SIN3B: variants seen among roughly 807,000 people sequenced by gnomAD.
SIN3B encodes the protein SIN3 transcription regulator family member B.
In SIN3B, 19 loss-of-function variants were observed where a neutral mutation model predicts 120.2. That is an observed-to-expected ratio of 0.16 (90% CI 0.11 to 0.23). The LOEUF (loss-of-function observed/expected upper bound fraction) is 0.23, where lower values mean the gene tolerates loss of function less well. SIN3B is among the 10% of genes least tolerant of loss of function. SIN3B has a pLI of 1.00. For missense variants in SIN3B, 1,073 were observed against 1,573.0 expected (o/e 0.68, Z 5.38); for synonymous variants, 654 against 653.2 (o/e 1.00, Z -0.02).
Position 16,851,439 on chromosome 19 carries a change from C to A in SIN3B, c.754C>A (p.His252Asn). The A allele has an allele frequency of 6.2e-7, 1 of 1,607,378 alleles. No individual in the cohort carries two copies. The highest frequency in any genetic ancestry group is 2.3e-5 in the East Asian group (1 of 44,338). ...CACAGGAAACGGGCCGTGCGAGATG[C>A]ACAGCGTGCAGAAGAACGAGCACGA... ...LFTGNGPCEMHSVQKNEHDKT... is the reference protein window; with the variant it reads ...LFTGNGPCEMNSVQKNEHDKT... The change falls in exon 6 of 19, where the codon CAC (histidine) becomes AAC (asparagine). Residue 252 changes from histidine to asparagine, a missense_variant. Transcript: ENST00000248054.
At chr19:16,851,558 A>C (rs1433815013) in intron 6 of SIN3B, 24 bp downstream of exon 6, 1 of 1,565,780 alleles carries the variant, frequency 6.4e-7, no homozygotes, top group Non-Finnish European at 8.7e-7. Flanking sequence ...ACATGCAGCC[A>C]TGCCTGCACG....
intron 4 of SIN3B, among the ~76,000 whole-genome samples, chr19:16,842,239 AAC>A (rs1389523008): frequency 6.7e-6 from 1 of 149,734 alleles, no homozygotes; most frequent in Non-Finnish European, 1.5e-5. Context: ...TTGGGGCTAG[AAC>A]ATGGGCGCAC....
At chr19:16,873,359 G>T (rs760386846) in intron 14 of SIN3B, among the ~76,000 whole-genome samples, 1 of 152,058 alleles carries the variant, frequency 6.6e-6, no homozygotes, top group Non-Finnish European at 1.5e-5. Flanking sequence ...CTTTCCCTCC[G>T]TGTGCCCGAA....
chr19:16,839,571 A>G (rs1227768525), intron 3 of SIN3B, among the ~76,000 whole-genome samples: 1 of 152,028 alleles, frequency 6.6e-6, no homozygotes, highest in East Asian at 1.9e-4. Flanking sequence ...TGCCTCTGAA[A>G]CAGACCTTGG....
chr19:16,829,520 C>T lies in SIN3B; in HGVS notation c.100C>T (p.His34Tyr). The T allele has an allele frequency of 8.1e-7, 1 of 1,227,580 alleles. No individual in the cohort carries two copies. Among genetic ancestry groups the T allele is most frequent in the Non-Finnish European group, 1.0e-6 (1 of 984,734 alleles). The allele number at this position is 1,227,580 out of a possible 1,614,324, so 76.0% of individuals were successfully genotyped here. A position where few individuals can be genotyped will look rare whatever the true frequency, so the allele number is the denominator to read the frequency against. ...CTGGGGTCGCTCGGGCTCCGCAGGC[C>T]ACGAGAAGCTGCCGGTGCACGTGAG... ...ARWGRSGSAG[H>Y]EKLPVHVEDA... Residue 34 changes from histidine to tyrosine, a missense_variant, in exon 1 of 19, where the codon CAC becomes TAC. Physicochemically the swap from His to Tyr is moderately conservative, Grantham distance 83. Around this residue, in one of 7 missense-constraint regions of SIN3B, gnomAD observed 395 missense variants for 528.0 expected, o/e 0.75. Transcript: ENST00000248054.
intron 14 of SIN3B, among the ~76,000 whole-genome samples, chr19:16,873,594 G>A (rs997935552): frequency 6.7e-6 from 1 of 149,764 alleles, no homozygotes; most frequent in African/African-American, 2.4e-5. Context: ...TGTGACACCA[G>A]GAGATTGGAC....
At chr19:16,865,905 C>T (rs1161400763) in intron 11 of SIN3B, among the ~76,000 whole-genome samples, 1 of 152,198 alleles carries the variant, frequency 6.6e-6, no homozygotes, top group Non-Finnish European at 1.5e-5. Context: ...ATCTAAATAA[C>T]TGCTTTAAGA....
At chr19:16,863,306 TCC>T in intron 9 of SIN3B, 3 of 466,846 alleles carry the variant, frequency 6.4e-6, no homozygotes, top group Non-Finnish European at 7.7e-6. Context: ...TAAAGCGTAA[TCC>T]ACATTTTAAG....
chr19:16,863,674 G>A lies in SIN3B; in HGVS notation c.1267-6G>A, dbSNP rs771683996. On this transcript the variant is annotated splice_polypyrimidine_tract_variant and splice_region_variant and intron_variant, in intron 9 of 18. Transcript: ENST00000248054. ...GCGTCATTCACGGCATTTCCTCTTGGTGCAGGTACTGAACGACACCTGGGT... is the reference window on the plus strand; with the variant it reads ...GCGTCATTCACGGCATTTCCTCTTGATGCAGGTACTGAACGACACCTGGGT... 6.3e-7 allele frequency: 1 copy of A among 1,591,580 alleles called. No individual in the cohort carries two copies. Among genetic ancestry groups the A allele is most frequent in the East Asian group, 2.2e-5 (1 of 44,786 alleles).
intron 3 of SIN3B, among the ~76,000 whole-genome samples, chr19:16,838,147 C>T (rs1034430813): frequency 2.0e-5 from 3 of 152,128 alleles, no homozygotes; most frequent in East Asian, 1.9e-4. Flanking sequence ...CAGCCTGGCT[C>T]GGTGTGATTG....
intron 8 of SIN3B, among the ~76,000 whole-genome samples, chr19:16,858,818 C>T (rs560966724): frequency 6.6e-6 from 1 of 152,240 alleles, no homozygotes; most frequent in South Asian, 2.1e-4. Context: ...GACATGGTGA[C>T]CTGTGCCTGT....
chr19:16,862,326 G>GT lies in SIN3B; in HGVS notation c.1059-24dup. The GT allele has an allele frequency of 6.3e-7, 1 of 1,595,402 alleles. No individual in the cohort carries two copies. Among genetic ancestry groups the GT allele is most frequent in the Non-Finnish European group, 8.6e-7 (1 of 1,164,182 alleles). On this transcript the variant is annotated intron_variant, in intron 8 of 18. Coordinates refer to ENST00000248054, the MANE Select transcript of SIN3B (RefSeq NM_001297595.2). This position sits in a 1 kb window ranked among gnomAD's most constrained non-coding sequence, Gnocchi z 4.7. ...TCTCAGAAGGCCCTGGGGATGACCA[G>GT]TTACCATGTGTCTTTATCTTTGAAG...
At chr19:16,843,621 C>G (rs1419606371) in intron 4 of SIN3B, among the ~76,000 whole-genome samples, 1 of 152,136 alleles carries the variant, frequency 6.6e-6, no homozygotes, top group African/African-American at 2.4e-5. Flanking sequence ...TGCAGTGGCT[C>G]TGTTCTGTGG....
chr19:16,855,373 C>CCT (rs376081584), intron 8 of SIN3B: 1 of 66,980 alleles, frequency 1.5e-5, no homozygotes, highest in Non-Finnish European at 3.7e-5. Flanking sequence ...GAAACCTTCC[C>CCT]CCCCCCCCCC....
chr19:16,831,217 C>T (rs1971274504), intron 2 of SIN3B, among the ~76,000 whole-genome samples: 1 of 152,028 alleles, frequency 6.6e-6, no homozygotes, highest in South Asian at 2.1e-4. Context: ...CACGCACCAC[C>T]ACTCCAAGTT....
At chr19:16,859,985 G>A (rs1386175165) in intron 8 of SIN3B, among the ~76,000 whole-genome samples, 1 of 152,190 alleles carries the variant, frequency 6.6e-6, no homozygotes, top group Non-Finnish European at 1.5e-5. Flanking sequence ...GAGGTTAGAG[G>A]GGAAGACAGA....
chr19:16,876,486 G>T lies in SIN3B; in HGVS notation c.2767G>T (p.Val923Leu). Reference sequence around the variant, plus strand: ...GGCTGTCAGCGTTCCTGCTCCGCAGGTGATGTTCCTGCAGCGCAAAGGGCA... The same window carrying T: ...GGCTGTCAGCGTTCCTGCTCCGCAGTTGATGTTCCTGCAGCGCAAAGGGCA... ...RCMADENCFKVMFLQRKGQVI... is the reference protein window; with the variant it reads ...RCMADENCFKLMFLQRKGQVI... The change falls in exon 16 of 19, where the codon GTG (valine) becomes TTG (leucine). Residue 923 changes from valine (V) to leucine (L), a missense_variant and splice_region_variant. By Grantham distance (32) the Val-to-Leu change is conservative. This residue lies in a region of SIN3B where 311 missense variants were observed against 400.3 expected (regional missense o/e 0.78). Transcript: ENST00000248054. The surrounding 1 kb of genome is among the most constrained non-coding windows in gnomAD (Gnocchi z 7.1). The T allele has an allele frequency of 1.9e-6, 3 of 1,613,062 alleles. No individual in the cohort carries two copies. The highest frequency in any genetic ancestry group is 2.5e-6 in the Non-Finnish European group (3 of 1,179,820).
At chr19:16,854,105 C>A (rs760841337) in intron 7 of SIN3B, 38 bp from the exon 8 acceptor site, 5 of 1,512,014 alleles carry the variant, frequency 3.3e-6, no homozygotes, top group South Asian at 1.2e-5. Context: ...GGCTGAGGAG[C>A]AGGGGTTCAC....
intron 12 of SIN3B, among the ~76,000 whole-genome samples, chr19:16,866,914 A>G (rs1280915860): frequency 6.6e-6 from 1 of 152,044 alleles, no homozygotes; most frequent in Non-Finnish European, 1.5e-5. Context: ...ACACCACCAC[A>G]CCCAGCTAAT....
Sources: gnomAD v4.1 joint callset for allele counts (sites outside exome capture counted in the v4.1 genomes callset) on GRCh38, gnomAD v4.1.1 for gene constraint, gnomAD v4.1.1 regional missense constraint, Gnocchi (gnomAD v3.1) non-coding constraint, MANE v1.5 for transcripts, NCBI Gene and HGNC (gene_info 2026-07-23, HGNC 2026-07-21) for gene names.